KSR2: variants seen among roughly 807,000 people sequenced by gnomAD.
KSR2 encodes kinase suppressor of ras 2.
Under a neutral mutation model 107.8 loss-of-function variants are expected in KSR2, and 25 were observed. The observed-to-expected ratio is 0.23, with a 90% CI of 0.17 to 0.32. KSR2 has a LOEUF of 0.32. Among genes scored for constraint, KSR2 ranks in the 10% least tolerant of loss-of-function variants. KSR2 has a pLI of 1.00. For missense variants in KSR2, 887 were observed against 1,268.9 expected, an observed-to-expected ratio of 0.70 and a Z score of 4.57; for synonymous variants, 480 against 507.0, an observed-to-expected ratio of 0.95 and a Z score of 0.71.
intron 3 of KSR2, among the ~76,000 whole-genome samples, chr12:117,840,272 A>G (rs561855344): frequency 4.6e-5 from 7 of 152,004 alleles, no homozygotes; most frequent in African/African-American, 1.4e-4. Flanking sequence ...TAATTTTTGT[A>G]TTTTTAGTAG....
At position 117,757,877 on chromosome 12, in the gene KSR2, T is replaced by C. The variant is rs7295490; in HGVS notation, c.986+3134A>G. 1.2e-3 allele frequency among the ~76,000 whole-genome samples: 189 copies of C among 152,348 alleles called. 2 individuals carry two copies. The highest frequency in any genetic ancestry group is 7.9e-3 in the South Asian group (38 of 4,826). On this transcript the variant is annotated intron_variant, in intron 4 of 19. Transcript: ENST00000339824. ...AATTCGTGTCATTCACTTTGGGATC[T>C]TTATCGTGGTGGTCTGGAACCAAAC...
intron 5 of KSR2, among the ~76,000 whole-genome samples, chr12:117,610,738 CAAAA>C (rs35825253): frequency 9.0e-6 from 1 of 110,876 alleles, no homozygotes; most frequent in Admixed American, 9.7e-5. Flanking sequence ...GACCCTGTCT[CAAAA>C]AAAAAAAAAA....
At chr12:117,725,824 G>A (rs1281835924) in intron 4 of KSR2, among the ~76,000 whole-genome samples, 1 of 152,066 alleles carries the variant, frequency 6.6e-6, no homozygotes, top group African/African-American at 2.4e-5. Context: ...GTGCACACCT[G>A]TAAGCCCCCC....
At chr12:117,869,833 T>C (rs1893594383) in intron 1 of KSR2, among the ~76,000 whole-genome samples, 1 of 152,252 alleles carries the variant, frequency 6.6e-6, no homozygotes, top group Non-Finnish European at 1.5e-5. Flanking sequence ...ACAGCCACCA[T>C]CACAGCTGCC....
At chr12:117,561,321 A>G (rs893076384) in intron 7 of KSR2, among the ~76,000 whole-genome samples, 2 of 152,242 alleles carry the variant, frequency 1.3e-5, no homozygotes, top group African/African-American at 4.8e-5. Context: ...GTTGGTCATG[A>G]ATGTCATAAA....
intron 5 of KSR2, among the ~76,000 whole-genome samples, chr12:117,652,387 G>A (rs1883942102): frequency 6.6e-6 from 1 of 152,062 alleles, no homozygotes; most frequent in South Asian, 2.1e-4. Flanking sequence ...TAATCACAGT[G>A]TTCCTAGAAG....
chr12:117,542,066 T>G (rs1390874817), intron 9 of KSR2, among the ~76,000 whole-genome samples: 1 of 152,030 alleles, frequency 6.6e-6, no homozygotes, highest in African/African-American at 2.4e-5. Flanking sequence ...ACACTTTTTT[T>G]GGTAGACACA....
intron 5 of KSR2, among the ~76,000 whole-genome samples, chr12:117,644,593 G>T (rs917399076): frequency 6.6e-6 from 1 of 152,152 alleles, no homozygotes; most frequent in Non-Finnish European, 1.5e-5. Context: ...CAGGTGATTT[G>T]AATGTGAAAG....
intron 4 of KSR2, among the ~76,000 whole-genome samples, chr12:117,752,899 G>C (rs1327548451): frequency 6.6e-6 from 1 of 152,170 alleles, no homozygotes; most frequent in Non-Finnish European, 1.5e-5. Context: ...TGCACACATA[G>C]AGTTGTTAGG....
chr12:117,482,179 A>G (rs1202093342), intron 16 of KSR2, among the ~76,000 whole-genome samples: 1 of 151,948 alleles, frequency 6.6e-6, no homozygotes, highest in Non-Finnish European at 1.5e-5. Context: ...GAGAGGCTGC[A>G]TGAAGAGGGA....
chr12:117,935,852 G>A (rs921368328), intron 1 of KSR2, among the ~76,000 whole-genome samples: 4 of 152,128 alleles, frequency 2.6e-5, no homozygotes, highest in Admixed American at 6.6e-5. Context: ...ACACCTCAGG[G>A]GCTTGGCACA....
At position 117,772,509 on chromosome 12, in the gene KSR2, C is replaced by T. The variant is rs1288923632; in HGVS notation, c.473-10985G>A. 3.5e-5 allele frequency among the ~76,000 whole-genome samples: 5 copies of T among 142,690 alleles called. No individual in the cohort carries two copies. In the Admixed American group the frequency reaches 3.5e-4, roughly 10 times the overall value. 93.6% of individuals were successfully genotyped at this position (142,690 alleles called of 152,430 possible). A position where few individuals can be genotyped will look rare whatever the true frequency, so the allele number is the denominator to read the frequency against. On this transcript the variant is annotated intron_variant, in intron 3 of 19. Coordinates refer to ENST00000339824, the MANE Select transcript of KSR2 (RefSeq NM_173598.6). ...ACACTCACACATACACATCATTCCC[C>T]CAAAGACGCACACACACTCATACAT...
chr12:117,519,435 G>A (rs913068368), intron 14 of KSR2, among the ~76,000 whole-genome samples: 63 of 152,310 alleles, frequency 4.1e-4, no homozygotes, highest in African/African-American at 1.3e-3. Context: ...CTGATTCAGC[G>A]GGGGAGGGTG....
chr12:117,842,233 A>G lies in KSR2; in HGVS notation c.472+13195T>C, dbSNP rs1401770145. Reference sequence around the variant, plus strand: ...ATGAAAATAAACAAAATCATTTTAGATATGCTAGAGACTATGATAGGATAG... The same window carrying G: ...ATGAAAATAAACAAAATCATTTTAGGTATGCTAGAGACTATGATAGGATAG... On this transcript the variant is annotated intron_variant, in intron 3 of 19. Coordinates refer to ENST00000339824, the MANE Select transcript of KSR2 (RefSeq NM_173598.6). This position sits in a 1 kb window ranked among gnomAD's most constrained non-coding sequence, Gnocchi z 4.2. Among the ~76,000 whole-genome samples, 1 of 152,174 alleles carries G rather than the reference A, an allele frequency of 6.6e-6. No homozygotes were observed. Among genetic ancestry groups the G allele is most frequent in the Non-Finnish European group, 1.5e-5 (1 of 68,030 alleles).
At chr12:117,806,237 C>G (rs1247809642) in intron 3 of KSR2, among the ~76,000 whole-genome samples, 2 of 152,166 alleles carry the variant, frequency 1.3e-5, no homozygotes, top group South Asian at 2.1e-4. Flanking sequence ...CTTTGCTGCT[C>G]ACATGCGGCA....
At chr12:117,678,503 A>G (rs1885235748) in intron 4 of KSR2, among the ~76,000 whole-genome samples, 1 of 152,102 alleles carries the variant, frequency 6.6e-6, no homozygotes, top group Non-Finnish European at 1.5e-5. Flanking sequence ...TGGACTGAAG[A>G]ATAGATTTCT....
At chr12:117,526,245 C>T (rs1004454287) in intron 13 of KSR2, among the ~76,000 whole-genome samples, 4 of 152,238 alleles carry the variant, frequency 2.6e-5, no homozygotes, top group African/African-American at 9.6e-5. Flanking sequence ...GAGTTAAATG[C>T]TCAAGGTGTA....
chr12:117,955,854 G>GA (rs1896496415), intron 1 of KSR2, among the ~76,000 whole-genome samples: 1 of 101,936 alleles, frequency 9.8e-6, no homozygotes, highest in Non-Finnish European at 2.3e-5. Context: ...GCCTCAGGGG[G>GA]TAAAAAAAAA....
intron 1 of KSR2, among the ~76,000 whole-genome samples, chr12:117,894,205 C>T (rs1201096950): frequency 1.3e-5 from 2 of 152,120 alleles, no homozygotes; most frequent in East Asian, 3.9e-4. Flanking sequence ...CACCGGCGCC[C>T]GGCCAAAATT....
Sources: gnomAD v4.1 joint callset for allele counts (sites outside exome capture counted in the v4.1 genomes callset) on GRCh38, gnomAD v4.1.1 for gene constraint, Gnocchi (gnomAD v3.1) non-coding constraint, MANE v1.5 for transcripts, NCBI Gene and HGNC (gene_info 2026-07-23, HGNC 2026-07-21) for gene names.